The following TM2D1 variants were observed in gnomAD, a reference collection of about 807,000 sequenced individuals.
TM2D1 encodes the protein TM2 domain containing 1.
TM2D1 carries 15 observed loss-of-function variants against 28.4 expected under a neutral mutation model. The ratio of observed to expected loss-of-function variants is 0.53; its 90% confidence interval spans 0.35 to 0.81. TM2D1 has a LOEUF of 0.81. TM2D1 is among the 40% of genes least tolerant of loss of function. The pLI is 0.01. For missense variants in TM2D1, 236 were observed against 254.9 expected (o/e 0.93, Z 0.50); for synonymous variants, 93 against 96.2 (o/e 0.97, Z 0.20).
chr1:61,687,945 T>C (rs909510299), intron 5 of TM2D1, among the ~76,000 whole-genome samples: 1 of 152,258 alleles, frequency 6.6e-6, no homozygotes, highest in African/African-American at 2.4e-5. Context: ...GACTACATTT[T>C]TGTATCCATA....
chr1:61,686,607 G>A (rs1644287361), intron 5 of TM2D1, among the ~76,000 whole-genome samples: 1 of 152,110 alleles, frequency 6.6e-6, no homozygotes, highest in African/African-American at 2.4e-5. Flanking sequence ...CAGAGTTGCA[G>A]TGAGCTGAGA....
intron 2 of TM2D1, among the ~76,000 whole-genome samples, chr1:61,715,645 C>CA (rs759796747): frequency 0.011 from 183 of 16,404 alleles, 43 homozygotes; most frequent in East Asian, 0.044. Context: ...AAGACTGTCT[C>CA]AAAAAAAAAA....
Position 61,723,731 on chromosome 1 carries a change from T to A in TM2D1, c.220A>T (p.Thr74Ser). ...GTCTTACCATGAGCTGTGTAGTTTG[T>A]ACAGTTAACTGGTTCTTGCGTAGCG... The part of the protein sequence containing the change: ...NDATQEPVNC[T>S]NYTAHVSCFP... The change falls in exon 2 of 7, where the codon ACA becomes TCA. Residue 74 changes from threonine (T) to serine (S), a missense_variant. Thr to Ser is a moderately conservative substitution (Grantham distance 58). Coordinates refer to ENST00000606498, the MANE Select transcript of TM2D1 (RefSeq NM_032027.3). The A allele has an allele frequency of 6.4e-7, 1 of 1,559,930 alleles. No homozygotes were observed. Among genetic ancestry groups the A allele is most frequent in the Non-Finnish European group, 8.7e-7 (1 of 1,146,664 alleles).
At chr1:61,681,381 A>G (rs998968129) in intron 6 of TM2D1, 31 bp from the exon 7 acceptor site, 2 of 152,248 alleles carry the variant, frequency 1.3e-5, no homozygotes, top group Non-Finnish European at 2.9e-5. Flanking sequence ...ACGTTAAAAC[A>G]CAATATTTTT....
Position 61,725,063 on chromosome 1 carries a change from C to G in TM2D1, c.58G>C (p.Val20Leu). ...ACTGAGACGAACCACAGGACACCAA[C>G]GAGTCTGGCCGTCACGGCCTCCGGA... ...SAPEAVTARLVGVLWFVSVTT... is the reference protein window; with the variant it reads ...SAPEAVTARLLGVLWFVSVTT... Residue 20 changes from valine to leucine, a missense_variant, in exon 1 of 7, where the codon GTT (valine) becomes CTT (leucine). By Grantham distance (32) the Val-to-Leu change is conservative (BLOSUM62 1). This residue lies in a region of TM2D1 where 167 missense variants were observed against 162.7 expected (regional missense o/e 1.03). Coordinates refer to ENST00000606498, the MANE Select transcript of TM2D1 (RefSeq NM_032027.3). 6.2e-7 allele frequency: 1 copy of G among 1,613,936 alleles called. No homozygotes were observed. The highest frequency in any genetic ancestry group is 8.5e-7 in the Non-Finnish European group (1 of 1,179,906).
intron 2 of TM2D1, among the ~76,000 whole-genome samples, chr1:61,721,731 T>C (rs1644566252): frequency 3.3e-5 from 5 of 151,392 alleles, no homozygotes; most frequent in Admixed American, 3.3e-4. Context: ...AAAAAGCATG[T>C]TTCATGAGCT....
chr1:61,703,000 G>A (rs955711544), intron 3 of TM2D1, among the ~76,000 whole-genome samples: 2 of 151,360 alleles, frequency 1.3e-5, no homozygotes. Context: ...CAGCTACTTG[G>A]GAGGCTGAGG....
chr1:61,684,849 G>A (rs1644272136), intron 5 of TM2D1, among the ~76,000 whole-genome samples: 2 of 152,242 alleles, frequency 1.3e-5, no homozygotes, highest in African/African-American at 4.8e-5. Flanking sequence ...CATGATCTTG[G>A]CTCACTGCAA....
At chr1:61,699,200 C>G (rs1225917750) in intron 4 of TM2D1, 1 of 151,782 alleles carries the variant, frequency 6.6e-6, no homozygotes, top group Non-Finnish European at 1.5e-5. Flanking sequence ...CGAAATAAGT[C>G]AGGCATGGTG....
intron 2 of TM2D1, among the ~76,000 whole-genome samples, chr1:61,721,195 C>G (rs1644561291): frequency 6.6e-6 from 1 of 151,850 alleles, no homozygotes; most frequent in Admixed American, 6.6e-5. Flanking sequence ...GGTGCCACTG[C>G]AGTCTAGCCT....
intron 2 of TM2D1, among the ~76,000 whole-genome samples, chr1:61,712,905 C>T (rs1644488874): frequency 6.6e-6 from 1 of 152,114 alleles, no homozygotes; most frequent in Admixed American, 6.6e-5. Context: ...ATTGGCTGGG[C>T]ACAGTGACTC....
At chr1:61,691,954 T>TATATATATATATATATAC (rs1644331107) in intron 5 of TM2D1, among the ~76,000 whole-genome samples, 2 of 135,708 alleles carry the variant, frequency 1.5e-5, no homozygotes, top group East Asian at 4.5e-4. Context: ...TATATATATA[T>TATATATATATATATATAC]ATATATGTAT....
chr1:61,702,975 A>G (rs1428125990), intron 3 of TM2D1, among the ~76,000 whole-genome samples: 3 of 151,250 alleles, frequency 2.0e-5, no homozygotes, highest in African/African-American at 7.3e-5. Context: ...GCGTGGTGGT[A>G]TATGCCTGTA....
intron 4 of TM2D1, chr1:61,696,160 T>C (rs1644361237): frequency 6.6e-6 from 1 of 152,202 alleles, no homozygotes; most frequent in African/African-American, 2.4e-5. Context: ...GCGTATTTCA[T>C]ATTTCCGAAA....
At chr1:61,690,712 G>A (rs1644318030) in intron 5 of TM2D1, among the ~76,000 whole-genome samples, 1 of 152,040 alleles carries the variant, frequency 6.6e-6, no homozygotes. Flanking sequence ...TGGTACTATA[G>A]CAGATTAATA....
chr1:61,718,510 T>C (rs1033349583), intron 2 of TM2D1, among the ~76,000 whole-genome samples: 1 of 152,228 alleles, frequency 6.6e-6, no homozygotes, highest in Non-Finnish European at 1.5e-5. Flanking sequence ...GAATCATTAA[T>C]GGGATGTAAA....
chr1:61,705,610 C>A (rs1482307779), intron 3 of TM2D1, among the ~76,000 whole-genome samples: 1 of 152,158 alleles, frequency 6.6e-6, no homozygotes, highest in Non-Finnish European at 1.5e-5. Flanking sequence ...ATTTCCAAGT[C>A]TGGCCCATAA....
intron 2 of TM2D1, among the ~76,000 whole-genome samples, chr1:61,715,465 T>C (rs1353475944): frequency 6.6e-6 from 1 of 151,480 alleles, no homozygotes. Flanking sequence ...CTGGCCAACA[T>C]GGTAAAACCC....
chr1:61,701,424 G>A (rs1644400750), intron 3 of TM2D1, among the ~76,000 whole-genome samples: 1 of 151,248 alleles, frequency 6.6e-6, no homozygotes, highest in Non-Finnish European at 1.5e-5. Flanking sequence ...TTTGAGCAGA[G>A]ACCTGAGGGA....
Sources: allele counts gnomAD v4.1 joint callset (sites outside exome capture counted in the v4.1 genomes callset), GRCh38; gene constraint gnomAD v4.1.1; regional missense constraint gnomAD v4.1.1; transcripts MANE v1.5; gene names NCBI Gene and HGNC (gene_info 2026-07-23, HGNC 2026-07-21).